LHFPL3: variants seen among roughly 807,000 people sequenced by gnomAD.
LHFPL3 encodes LHFPL tetraspan subfamily member 3.
In LHFPL3, 5 loss-of-function variants were observed where a neutral mutation model predicts 19.3. That is an observed-to-expected ratio of 0.26 (90% CI 0.14 to 0.54). The LOEUF is 0.54. LHFPL3 is among the 20% of genes least tolerant of loss of function. LHFPL3 has a pLI of 0.94. For missense variants in LHFPL3, 249 were observed against 307.4 expected (o/e 0.81, Z 1.42); for synonymous variants, 133 against 126.2 (o/e 1.05, Z -0.36).
chr7:104,461,196 G>T (rs535579513), intron 1 of LHFPL3, among the ~76,000 whole-genome samples: 1 of 152,126 alleles, frequency 6.6e-6, no homozygotes, highest in East Asian at 1.9e-4. Flanking sequence ...GGGAAGCCCC[G>T]TATAAAACCA....
intron 1 of LHFPL3, among the ~76,000 whole-genome samples, chr7:104,542,816 G>A (rs1562929901): frequency 6.6e-6 from 1 of 152,074 alleles, no homozygotes; most frequent in Admixed American, 6.5e-5. Flanking sequence ...ATACCCAAAG[G>A]ATTAGAAATC....
chr7:104,598,191 G>T (rs765659538), intron 1 of LHFPL3, among the ~76,000 whole-genome samples: 6 of 152,098 alleles, frequency 3.9e-5, no homozygotes, highest in Non-Finnish European at 8.8e-5. Flanking sequence ...AATTGAAAGG[G>T]ACTAGCAACT....
chr7:104,560,090 T>C (rs1584401582), intron 1 of LHFPL3, among the ~76,000 whole-genome samples: 1 of 146,580 alleles, frequency 6.8e-6, no homozygotes, highest in Admixed American at 6.7e-5. Context: ...GCCAGTATTT[T>C]ATTGAGGATT....
At chr7:104,427,973 A>G (rs998285353) in intron 1 of LHFPL3, among the ~76,000 whole-genome samples, 1 of 152,234 alleles carries the variant, frequency 6.6e-6, no homozygotes, top group South Asian at 2.1e-4. Flanking sequence ...AGCATATGCC[A>G]GAGGAGAACT....
At chr7:104,585,480 A>C (rs75736287) in intron 1 of LHFPL3, among the ~76,000 whole-genome samples, 73 of 123,438 alleles carry the variant, frequency 5.9e-4, no homozygotes, top group African/African-American at 1.5e-3. Flanking sequence ...AACACACACA[A>C]ACACACACAC....
intron 2 of LHFPL3, among the ~76,000 whole-genome samples, chr7:104,881,720 T>C (rs550704430): frequency 6.6e-6 from 1 of 152,322 alleles, no homozygotes; most frequent in Middle Eastern, 3.4e-3. Flanking sequence ...ACTTCCATTT[T>C]GAAAGAAGTC....
intron 1 of LHFPL3, among the ~76,000 whole-genome samples, chr7:104,347,304 A>C (rs924165046): frequency 6.6e-6 from 1 of 152,122 alleles, no homozygotes; most frequent in Admixed American, 6.5e-5. Context: ...TTGCTACTCC[A>C]CTATTTATTG....
intron 1 of LHFPL3, among the ~76,000 whole-genome samples, chr7:104,688,178 A>G (rs1367642773): frequency 6.6e-6 from 1 of 152,150 alleles, no homozygotes; most frequent in Non-Finnish European, 1.5e-5. Context: ...CAAGAAATAT[A>G]ATGAAGGTGG....
chr7:104,522,898 C>T (rs1794099702), intron 1 of LHFPL3, among the ~76,000 whole-genome samples: 1 of 152,062 alleles, frequency 6.6e-6, no homozygotes, highest in African/African-American at 2.4e-5. Context: ...AAGAGGTAGA[C>T]CAGGCTGCTT....
chr7:104,329,406 C>T (rs950809848), intron 1 of LHFPL3, among the ~76,000 whole-genome samples, 182 bp downstream of exon 1: 11 of 152,214 alleles, frequency 7.2e-5, no homozygotes, highest in Non-Finnish European at 1.6e-4. Flanking sequence ...GTTCCCCAGC[C>T]CCGGCGCTGG....
intron 1 of LHFPL3, among the ~76,000 whole-genome samples, chr7:104,723,527 G>A (rs1043788410): frequency 1.7e-4 from 26 of 151,920 alleles, no homozygotes; most frequent in Non-Finnish European, 3.2e-4. Context: ...TTTGAGACCA[G>A]CCTGACCAAC....
At chr7:104,341,818 C>G (rs4729992) in intron 1 of LHFPL3, among the ~76,000 whole-genome samples, 9,829 of 152,108 alleles carry the variant, frequency 0.065, 799 homozygotes, top group Admixed American at 0.25. Flanking sequence ...GGTCCAGACT[C>G]ATTTTCTCCC....
chr7:104,882,647 G>T (rs567459679), intron 2 of LHFPL3, among the ~76,000 whole-genome samples: 5 of 152,166 alleles, frequency 3.3e-5, no homozygotes, highest in South Asian at 4.1e-4. Context: ...GTGGAGAATG[G>T]TGAGTGACTG....
At chr7:104,556,300 C>G (rs11978218) in intron 1 of LHFPL3, among the ~76,000 whole-genome samples, 14,336 of 152,214 alleles carry the variant, frequency 0.094, 1,321 homozygotes, top group African/African-American at 0.24. Flanking sequence ...TGAGGGTCCC[C>G]CCCCTGCAGC....
chr7:104,892,488 G>A lies in LHFPL3; in HGVS notation c.683-13699G>A, dbSNP rs371609036. 4.0e-5 allele frequency among the ~76,000 whole-genome samples: 6 copies of A among 151,862 alleles called. No individual in the cohort carries two copies. In the East Asian group the frequency reaches 5.8e-4, roughly 15 times the overall value. Reference sequence around the variant, plus strand: ...AGCACTTTGGGAAACTGAGGCAGGCGGATCACAAGGTCAGCCGTTCAAAAC... The same window carrying A: ...AGCACTTTGGGAAACTGAGGCAGGCAGATCACAAGGTCAGCCGTTCAAAAC... On this transcript the variant is annotated intron_variant, in intron 2 of 2. Transcript: ENST00000424859.
chr7:104,814,897 G>A (rs1180166607), intron 2 of LHFPL3, among the ~76,000 whole-genome samples: 2 of 152,190 alleles, frequency 1.3e-5, no homozygotes, highest in African/African-American at 2.4e-5. Context: ...GCGGGAGCAG[G>A]CACTTTCAAG....
chr7:104,685,336 A>G (rs1362185983), intron 1 of LHFPL3, among the ~76,000 whole-genome samples: 1 of 152,196 alleles, frequency 6.6e-6, no homozygotes, highest in East Asian at 1.9e-4. Context: ...ACAGAGTAAG[A>G]TTCTGCTCAA....
chr7:104,485,300 G>C (rs1372549348), intron 1 of LHFPL3, among the ~76,000 whole-genome samples: 1 of 151,596 alleles, frequency 6.6e-6, no homozygotes, highest in African/African-American at 2.4e-5. Context: ...AAAAATCAGA[G>C]ATTCTCATAT....
chr7:104,368,833 C>T (rs1034465864), intron 1 of LHFPL3, among the ~76,000 whole-genome samples: 7 of 152,144 alleles, frequency 4.6e-5, no homozygotes, highest in African/African-American at 1.7e-4. Context: ...TACTATATGC[C>T]AAACATTGTA....
Sources: gnomAD v4.1 joint callset for allele counts (sites outside exome capture counted in the v4.1 genomes callset) on GRCh38, gnomAD v4.1.1 for gene constraint, MANE v1.5 for transcripts, NCBI Gene and HGNC (gene_info 2026-07-23, HGNC 2026-07-21) for gene names.